PARD3: variants seen among roughly 807,000 people sequenced by gnomAD.
The protein encoded by PARD3 is partitioning defective 3 homolog.
PARD3 carries 75 observed loss-of-function variants against 155.4 expected under a neutral mutation model. The observed-to-expected ratio is 0.48, with a 90% CI of 0.40 to 0.58. The LOEUF is 0.58. Among genes scored for constraint, PARD3 ranks in the 20% least tolerant of loss-of-function variants. The probability of loss-of-function intolerance (pLI) is 0.00; values close to 1 mark genes in which losing one functional copy is unlikely to be tolerated. For synonymous variants in PARD3, 576 were observed against 610.5 expected (o/e 0.94, Z 0.83); for missense variants, 1,642 against 1,721.7 (o/e 0.95, Z 0.82).
chr10:34,686,946 G>A (rs1049784663), intron 2 of PARD3, among the ~76,000 whole-genome samples: 1 of 151,948 alleles, frequency 6.6e-6, no homozygotes, highest in Non-Finnish European at 1.5e-5. Flanking sequence ...CTACTCGGGA[G>A]GCTGAGGCAG....
chr10:34,258,016 C>G (rs1267596278), intron 22 of PARD3, among the ~76,000 whole-genome samples: 1 of 152,264 alleles, frequency 6.6e-6, no homozygotes, highest in Non-Finnish European at 1.5e-5. Context: ...GTAATTCACC[C>G]ATGTATTAGA....
At chr10:34,413,500 T>G (rs970895024) in intron 5 of PARD3, among the ~76,000 whole-genome samples, 1 of 151,760 alleles carries the variant, frequency 6.6e-6, no homozygotes, top group Non-Finnish European at 1.5e-5. Flanking sequence ...CCAGATACTA[T>G]TTCCTATTCA....
intron 2 of PARD3, among the ~76,000 whole-genome samples, chr10:34,573,016 C>T (rs1238554891): frequency 6.6e-6 from 1 of 152,112 alleles, no homozygotes; most frequent in Non-Finnish European, 1.5e-5. Flanking sequence ...CACAGATACT[C>T]CAAATTTTGA....
chr10:34,670,985 G>C (rs1392175689), intron 2 of PARD3, among the ~76,000 whole-genome samples: 1 of 152,172 alleles, frequency 6.6e-6, no homozygotes, highest in Non-Finnish European at 1.5e-5. Context: ...ACTAAATTGA[G>C]ACCAGACCAA....
intron 1 of PARD3, among the ~76,000 whole-genome samples, chr10:34,741,883 G>A (rs1247555718): frequency 6.6e-6 from 1 of 152,166 alleles, no homozygotes; most frequent in African/African-American, 2.4e-5. Context: ...CTCACAGGAT[G>A]ATTCCAGATT....
chr10:34,704,055 G>T (rs958634913), intron 1 of PARD3, among the ~76,000 whole-genome samples: 6 of 152,182 alleles, frequency 3.9e-5, no homozygotes, highest in Non-Finnish European at 8.8e-5. Context: ...CTCCCGGGAC[G>T]ATGGTGAAGG....
At chr10:34,578,581 C>T (rs924270565) in intron 2 of PARD3, among the ~76,000 whole-genome samples, 1 of 152,226 alleles carries the variant, frequency 6.6e-6, no homozygotes, top group African/African-American at 2.4e-5. Flanking sequence ...TTTAACCTGA[C>T]AACTCAGAGG....
intron 22 of PARD3, among the ~76,000 whole-genome samples, chr10:34,260,061 A>G (rs897175825): frequency 6.6e-6 from 1 of 152,108 alleles, no homozygotes; most frequent in Non-Finnish European, 1.5e-5. Flanking sequence ...GCTGATTTCG[A>G]ACTCCTGGGC....
At chr10:34,338,690 A>G (rs913865980) in intron 16 of PARD3, among the ~76,000 whole-genome samples, 2 of 152,224 alleles carry the variant, frequency 1.3e-5, no homozygotes, top group Non-Finnish European at 2.9e-5. Context: ...CTGTGCATGA[A>G]ATGAGAGTTG....
In PARD3 at chr10:34,125,071, C is replaced by CTTTTTTTTTTTTTTT. The variant is rs71523316; in HGVS notation, c.3541-5332_3541-5331insAAAAAAAAAAAAAAA. On this transcript the variant is annotated intron_variant, in intron 23 of 24. Coordinates refer to ENST00000374788, the MANE Select transcript of PARD3 (RefSeq NM_001184785.2). The stretch of plus-strand genomic sequence containing the variant: ...GGCTTATCTCCAGGTCTATTTCTTT[C>CTTTTTTTTTTTTTTT]TTTTTTTTTTTTTGAGACGGAGTCT... Among the ~76,000 whole-genome samples, 617 of 140,426 alleles carry CTTTTTTTTTTTTTTT rather than the reference C, an allele frequency of 4.4e-3. 11 individuals are homozygous for CTTTTTTTTTTTTTTT. Among genetic ancestry groups the CTTTTTTTTTTTTTTT allele is most frequent in the African/African-American group, 0.016 (582 of 35,722 alleles). The allele number at this position is 140,426 out of a possible 152,430, so 92.1% of individuals were successfully genotyped here.
At chr10:34,539,376 A>T (rs2083444224) in intron 2 of PARD3, among the ~76,000 whole-genome samples, 1 of 152,214 alleles carries the variant, frequency 6.6e-6, no homozygotes, top group South Asian at 2.1e-4. Context: ...AGTAATAAAT[A>T]AGTAAAACTC....
intron 24 of PARD3, among the ~76,000 whole-genome samples, chr10:34,115,712 CTTT>C (rs1029767685): frequency 7.1e-6 from 1 of 141,530 alleles, no homozygotes. Flanking sequence ...TAATTTTTTT[CTTT>C]TTTTTTTTTT....
At position 34,360,373 on chromosome 10, in the gene PARD3, T is replaced by C. The variant is rs1239018643; in HGVS notation, c.1708-114A>G. 8.8e-6 allele frequency: 6 copies of C among 683,884 alleles called. No individual in the cohort carries two copies. In the Admixed American group the frequency reaches 1.5e-4, roughly 17 times the overall value. The allele number at this position is 683,884 out of a possible 1,614,324, so 42.4% of individuals were successfully genotyped here. On this transcript the variant is annotated intron_variant, in intron 12 of 24. Transcript: ENST00000374788. ...AATCATAAGAGGCAAAATATTTCCA[T>C]GAAGGTTCCACAGCAAGATCCATGA...
chr10:34,398,102 T>C (rs574968127), intron 7 of PARD3, among the ~76,000 whole-genome samples: 1 of 152,288 alleles, frequency 6.6e-6, no homozygotes, highest in East Asian at 1.9e-4. Flanking sequence ...CACTTGAAAA[T>C]TCAAGGTGAA....
chr10:34,150,018 G>C (rs972911512), intron 22 of PARD3, among the ~76,000 whole-genome samples: 1 of 152,178 alleles, frequency 6.6e-6, no homozygotes, highest in African/African-American at 2.4e-5. Flanking sequence ...TTGGAAATAA[G>C]GTGGTCTTAA....
intron 22 of PARD3, among the ~76,000 whole-genome samples, chr10:34,202,233 C>T (rs567952053): frequency 4.6e-5 from 7 of 152,198 alleles, no homozygotes; most frequent in African/African-American, 1.4e-4. Context: ...CCATAATACC[C>T]GGCTAATTTT....
intron 5 of PARD3, among the ~76,000 whole-genome samples, chr10:34,440,742 G>A (rs144576093): frequency 1.3e-5 from 2 of 152,106 alleles, no homozygotes; most frequent in South Asian, 2.1e-4. Flanking sequence ...AGAAATTGAT[G>A]AGTACCCCCA....
At chr10:34,120,892 C>CA (rs918260279) in intron 23 of PARD3, among the ~76,000 whole-genome samples, 4 of 151,736 alleles carry the variant, frequency 2.6e-5, no homozygotes, top group South Asian at 2.1e-4. Context: ...CCTGTCTCCA[C>CA]AAAAAAATTT....
At chr10:34,540,913 G>A (rs1291215756) in intron 2 of PARD3, among the ~76,000 whole-genome samples, 3 of 152,166 alleles carry the variant, frequency 2.0e-5, no homozygotes, top group Admixed American at 2.0e-4. Context: ...TTACAATGAA[G>A]TTTTAGAACA....
Sources: allele counts gnomAD v4.1 joint callset (sites outside exome capture counted in the v4.1 genomes callset), GRCh38; gene constraint gnomAD v4.1.1; transcripts MANE v1.5; gene names NCBI Gene and HGNC (gene_info 2026-07-23, HGNC 2026-07-21).